DPYD: variants seen among roughly 807,000 people sequenced by gnomAD.
The protein encoded by DPYD is dihydropyrimidine dehydrogenase [NADP(+)].
Under a neutral mutation model 116.2 loss-of-function variants are expected in DPYD, and 109 were observed. That is an observed-to-expected ratio of 0.94 (90% CI 0.80 to 1.10). DPYD has a LOEUF of 1.10. DPYD is among the 50% of genes least tolerant of loss of function. The probability of loss-of-function intolerance (pLI) is 0.00; values close to 1 mark genes in which losing one functional copy is unlikely to be tolerated. For missense variants in DPYD, 1,302 were observed against 1,254.5 expected (o/e 1.04, Z -0.57); for synonymous variants, 440 against 432.0 (o/e 1.02, Z -0.23).
At chr1:97,151,624 G>A (rs547688367) in intron 20 of DPYD, among the ~76,000 whole-genome samples, 152 of 152,128 alleles carry the variant, frequency 1.0e-3, no homozygotes, top group Middle Eastern at 6.8e-3. Flanking sequence ...GCAGTGAGCC[G>A]AGATTGTGCC....
At chr1:97,585,173 G>T (rs993213622) in intron 10 of DPYD, among the ~76,000 whole-genome samples, 1 of 152,086 alleles carries the variant, frequency 6.6e-6, no homozygotes, top group Non-Finnish European at 1.5e-5. Flanking sequence ...TATATGTTGA[G>T]TCAGATACCA....
chr1:97,729,006 C>A (rs1397543706), intron 4 of DPYD, among the ~76,000 whole-genome samples: 3 of 151,940 alleles, frequency 2.0e-5, no homozygotes, highest in Non-Finnish European at 4.4e-5. Context: ...CTGAAAAATT[C>A]TCTTTTCATA....
intron 1 of DPYD, chr1:97,883,788 AG>A (rs1558030852): frequency 2.3e-6 from 1 of 434,038 alleles, no homozygotes; most frequent in Non-Finnish European, 4.4e-6. Context: ...TTCCTCTTAC[AG>A]GCCCCTAAAG....
intron 13 of DPYD, among the ~76,000 whole-genome samples, chr1:97,460,923 G>A (rs933988921): frequency 6.6e-6 from 1 of 151,842 alleles, no homozygotes; most frequent in African/African-American, 2.4e-5. Flanking sequence ...TGTAATCCCA[G>A]CTACTCGGGA....
At position 97,171,394 on chromosome 1, in the gene DPYD, T is replaced by C. The variant is rs577656711; in HGVS notation, c.2622+21675A>G. Among the ~76,000 whole-genome samples the C allele has an allele frequency of 1.4e-3, 214 of 152,280 alleles. 3 individuals are homozygous for C. The Middle Eastern group carries it at 0.048, about 34-fold the overall frequency. On this transcript the variant is annotated intron_variant, in intron 20 of 22. Transcript: ENST00000370192. Reference sequence around the variant, plus strand: ...AACGTTCAACAATCTTGCCCACAGATTAGCAAAATCTTAATCTGCTCTCTG... The same window carrying C: ...AACGTTCAACAATCTTGCCCACAGACTAGCAAAATCTTAATCTGCTCTCTG...
intron 11 of DPYD, among the ~76,000 whole-genome samples, chr1:97,565,413 C>T (rs1434921664): frequency 2.0e-5 from 3 of 152,060 alleles, no homozygotes; most frequent in African/African-American, 4.8e-5. Context: ...GCATAAAATT[C>T]AAAATCCCTA....
At chr1:97,530,007 C>T (rs915935938) in intron 12 of DPYD, among the ~76,000 whole-genome samples, 8 of 151,154 alleles carry the variant, frequency 5.3e-5, no homozygotes, top group Non-Finnish European at 8.8e-5. Context: ...TCCTGGAAAC[C>T]ATCATTCTAT....
At chr1:97,411,942 A>G (rs1019284591) in intron 14 of DPYD, among the ~76,000 whole-genome samples, 4 of 152,222 alleles carry the variant, frequency 2.6e-5, no homozygotes, top group Non-Finnish European at 5.9e-5. Context: ...AAGGATATTC[A>G]AAAGGCAATG....
chr1:97,797,472 G>A (rs144465433), intron 3 of DPYD: 269 of 151,930 alleles, frequency 1.8e-3, no homozygotes, highest in African/African-American at 6.0e-3. Context: ...TTTCAGCACA[G>A]AATTTTGAAG....
chr1:97,085,658 G>A (rs1649462028), intron 21 of DPYD, among the ~76,000 whole-genome samples: 1 of 152,190 alleles, frequency 6.6e-6, no homozygotes, highest in African/African-American at 2.4e-5. Context: ...AGTACTACCA[G>A]CTTATGAATA....
intron 13 of DPYD, among the ~76,000 whole-genome samples, chr1:97,462,153 A>G (rs560352707): frequency 1.3e-5 from 2 of 152,372 alleles, no homozygotes; most frequent in African/African-American, 4.8e-5. Flanking sequence ...TCTAGATTTC[A>G]CAATGTGTTA....
intron 21 of DPYD, among the ~76,000 whole-genome samples, chr1:97,097,021 C>T (rs1311097439): frequency 1.3e-5 from 2 of 152,134 alleles, no homozygotes; most frequent in Admixed American, 1.3e-4. Context: ...GTAGTCATAG[C>T]CACACATTGG....
At chr1:97,584,197 C>T (rs1026650129) in intron 10 of DPYD, among the ~76,000 whole-genome samples, 8 of 152,128 alleles carry the variant, frequency 5.3e-5, no homozygotes, top group Non-Finnish European at 1.2e-4. Flanking sequence ...TGTTTTTTGG[C>T]CGCATAAATG....
chr1:97,228,529 A>G (rs896781972), intron 19 of DPYD, among the ~76,000 whole-genome samples: 1 of 152,206 alleles, frequency 6.6e-6, no homozygotes, highest in African/African-American at 2.4e-5. Flanking sequence ...ACTTATCTAC[A>G]TAGTCTATAC....
intron 19 of DPYD, among the ~76,000 whole-genome samples, chr1:97,206,635 A>ATT (rs1275702493): frequency 8.2e-5 from 6 of 73,174 alleles, no homozygotes; most frequent in African/African-American, 2.8e-4. Flanking sequence ...AAACAGGGAG[A>ATT]TTTTATATAT....
At chr1:97,438,673 C>T (rs1675596324) in intron 14 of DPYD, among the ~76,000 whole-genome samples, 1 of 151,652 alleles carries the variant, frequency 6.6e-6, no homozygotes, top group Non-Finnish European at 1.5e-5. Flanking sequence ...TGGCAAAAGT[C>T]TCAGTAATGA....
chr1:97,372,792 CA>C (rs1671373773), intron 16 of DPYD, among the ~76,000 whole-genome samples: 1 of 151,714 alleles, frequency 6.6e-6, no homozygotes, highest in Admixed American at 6.6e-5. Flanking sequence ...CTGTGCCAGA[CA>C]TGGAGATAAA....
intron 4 of DPYD, among the ~76,000 whole-genome samples, chr1:97,727,018 GGA>G (rs1356693370): frequency 6.6e-6 from 1 of 151,594 alleles, no homozygotes; most frequent in African/African-American, 2.4e-5. Flanking sequence ...AAAATTTGTA[GGA>G]GGTTAAAAAT....
intron 13 of DPYD, among the ~76,000 whole-genome samples, chr1:97,450,789 T>C (rs1676372015): frequency 6.6e-6 from 1 of 152,086 alleles, no homozygotes. Flanking sequence ...ATATTCACTT[T>C]AAATGAGAAG....
Sources: gnomAD v4.1 joint callset for allele counts (sites outside exome capture counted in the v4.1 genomes callset) on GRCh38, gnomAD v4.1.1 for gene constraint, MANE v1.5 for transcripts, NCBI Gene and HGNC (gene_info 2026-07-23, HGNC 2026-07-21) for gene names.